The following HMOX2 variants were observed in gnomAD, a reference collection of about 807,000 sequenced individuals.
HMOX2 encodes the protein heme oxygenase (decycling) 2.
Under a neutral mutation model 33.7 loss-of-function variants are expected in HMOX2, and 30 were observed. The ratio of observed to expected loss-of-function variants is 0.89; its 90% CI spans 0.67 to 1.21. The LOEUF (loss-of-function observed/expected upper bound fraction) is 1.21. HMOX2 is among the 50% of genes most tolerant of loss of function. The pLI, the probability that HMOX2 is intolerant of heterozygous loss-of-function variation, is 0.00. For synonymous variants in HMOX2, 155 were observed against 155.0 expected (o/e 1.00, Z 0.00); for missense variants, 403 against 399.1 (o/e 1.01, Z -0.08).
rs770712405 is a variant in HMOX2, at chr16:4,508,217, G to A, written c.696+13G>A. The A allele has an allele frequency of 3.2e-6, 5 of 1,584,210 alleles. No individual in the cohort carries two copies. The South Asian group carries it at 3.5e-5, about 11-fold the overall frequency. On this transcript the variant is annotated intron_variant, in intron 4 of 5. Transcript: ENST00000570646. The stretch of plus-strand genomic sequence containing the variant: ...GTATAACATGCAGGTACTATTGGGG[G>A]CTGCCAGCTGCTAGGGCTGAAGAGG...
intron 1 of HMOX2, among the ~76,000 whole-genome samples, chr16:4,486,862 AG>A (rs1282383138): frequency 6.6e-6 from 1 of 152,218 alleles, no homozygotes; most frequent in Non-Finnish European, 1.5e-5. Flanking sequence ...TGAGGAGCTG[AG>A]CTCAGTCCCT....
At chr16:4,506,054 T>C (rs1026306415) in intron 2 of HMOX2, among the ~76,000 whole-genome samples, 3 of 152,156 alleles carry the variant, frequency 2.0e-5, no homozygotes, top group Non-Finnish European at 2.9e-5. Flanking sequence ...TAGCCTCTCA[T>C]AGCCCTGTCA....
chr16:4,493,782 G>A (rs567029503), intron 1 of HMOX2, among the ~76,000 whole-genome samples: 1 of 152,208 alleles, frequency 6.6e-6, no homozygotes, highest in Non-Finnish European at 1.5e-5. Flanking sequence ...GTGCTGTGCA[G>A]AAAGGACTTC....
At chr16:4,479,950 G>T (rs1008668290) in intron 1 of HMOX2, among the ~76,000 whole-genome samples, 10 of 151,804 alleles carry the variant, frequency 6.6e-5, no homozygotes, top group Non-Finnish European at 1.2e-4. Context: ...TGTTGGCCGG[G>T]CTGGTCTCCT....
chr16:4,490,411 C>T (rs778971934), intron 1 of HMOX2, among the ~76,000 whole-genome samples: 1 of 152,110 alleles, frequency 6.6e-6, no homozygotes, highest in Non-Finnish European at 1.5e-5. Context: ...TAGTAGCAGA[C>T]CTGGTAGTAG....
chr16:4,503,868 T>C (rs1489512253), intron 1 of HMOX2, among the ~76,000 whole-genome samples: 1 of 152,238 alleles, frequency 6.6e-6, no homozygotes, highest in African/African-American at 2.4e-5. Context: ...GTAGAGCACA[T>C]AGAAAATGCT....
Position 4,507,780 on chromosome 16 carries a change from A to T in HMOX2, c.272A>T (p.His91Leu), listed in dbSNP as rs777846729. The T allele has an allele frequency of 5.6e-6, 9 of 1,614,186 alleles. No homozygotes were observed. The highest frequency in any genetic ancestry group is 7.6e-6 in the Non-Finnish European group (9 of 1,180,030). ...GAGGAAATGGAGCGCAACAAGGACC[A>T]TCCAGCCTTTGCCCCTTTGTACTTC... is the stretch of plus-strand genomic sequence containing the variant. ...LEEEMERNKD[H>L]PAFAPLYFPM... Residue 91 changes from histidine to leucine, a missense_variant, in exon 4 of 6, where the codon CAT (histidine) becomes CTT (leucine). Coordinates refer to ENST00000570646, the MANE Select transcript of HMOX2 (RefSeq NM_002134.4).
At chr16:4,500,845 A>G (rs977633027) in intron 1 of HMOX2, among the ~76,000 whole-genome samples, 1 of 152,178 alleles carries the variant, frequency 6.6e-6, no homozygotes, top group Admixed American at 6.5e-5. Flanking sequence ...TGCTTGAAGT[A>G]ACTGTGATAG....
Position 4,507,761 on chromosome 16 carries a change from A to G in HMOX2, c.253A>G (p.Met85Val). Residue 85 changes from methionine (M) to valine (V), a missense_variant, in exon 4 of 6, where the codon ATG becomes GTG. Physicochemically the swap from Met to Val is conservative, Grantham distance 21. Transcript: ENST00000570646. ...CACATACTCAGCCCTCGAGGAGGAAATGGAGCGCAACAAGGACCATCCAGC... is the reference window on the plus strand; with the variant it reads ...CACATACTCAGCCCTCGAGGAGGAAGTGGAGCGCAACAAGGACCATCCAGC... ...YFTYSALEEE[M>V]ERNKDHPAFA... 4 of 1,614,198 alleles carry G rather than the reference A, an allele frequency of 2.5e-6. No homozygotes were observed. In the African/African-American group the frequency reaches 4.0e-5, roughly 16 times the overall value.
chr16:4,504,590 C>T (rs185125799), intron 1 of HMOX2, among the ~76,000 whole-genome samples: 62 of 151,506 alleles, frequency 4.1e-4, no homozygotes, highest in Admixed American at 9.2e-4. Context: ...AAACTCCTAA[C>T]CTCAGGTGAT....
chr16:4,478,793 T>C (rs980013395), intron 1 of HMOX2, among the ~76,000 whole-genome samples: 5 of 144,878 alleles, frequency 3.5e-5, no homozygotes, highest in Non-Finnish European at 7.6e-5. Context: ...AGAAAGAAAA[T>C]TAGAATTGTG....
chr16:4,501,430 G>A (rs1482398360), intron 1 of HMOX2, among the ~76,000 whole-genome samples: 2 of 152,188 alleles, frequency 1.3e-5, no homozygotes, highest in Non-Finnish European at 2.9e-5. Context: ...TGTTTGAGCA[G>A]TCATGCCCTT....
At chr16:4,498,727 C>T (rs145496242) in intron 1 of HMOX2, among the ~76,000 whole-genome samples, 40 of 152,238 alleles carry the variant, frequency 2.6e-4, no homozygotes, top group African/African-American at 7.9e-4. Flanking sequence ...TTCAGTGAAC[C>T]GTGGGATTGA....
At chr16:4,481,530 A>G (rs148047136) in intron 1 of HMOX2, among the ~76,000 whole-genome samples, 1 of 152,238 alleles carries the variant, frequency 6.6e-6, no homozygotes, top group East Asian at 1.9e-4. Flanking sequence ...GGGTATTTGA[A>G]ATCAGAATTG....
chr16:4,508,251 G>C, intron 4 of HMOX2, 47 bp downstream of exon 4: 2 of 1,554,254 alleles, frequency 1.3e-6, no homozygotes, highest in Non-Finnish European at 1.7e-6. Context: ...GGGAAACTTT[G>C]ACAGTGGTAG....
intron 3 of HMOX2, 50 bp from the exon 4 acceptor site, chr16:4,507,663 C>T (rs373555341): frequency 1.1e-5 from 17 of 1,579,314 alleles, no homozygotes; most frequent in South Asian, 7.0e-5. Flanking sequence ...TCCAGCTGCT[C>T]GGATGTGGTG....
At chr16:4,485,069 G>A (rs547768733) in intron 1 of HMOX2, among the ~76,000 whole-genome samples, 5 of 151,790 alleles carry the variant, frequency 3.3e-5, no homozygotes, top group Non-Finnish European at 7.4e-5. Context: ...GGGTTCAAGC[G>A]ATTCTCTTGC....
intron 1 of HMOX2, among the ~76,000 whole-genome samples, chr16:4,479,733 T>TA (rs2057967228): frequency 6.0e-5 from 1 of 16,796 alleles, no homozygotes. Context: ...TCTATTTTTT[T>TA]TTTTTTTTTT....
At chr16:4,499,245 C>T (rs2058499961) in intron 1 of HMOX2, among the ~76,000 whole-genome samples, 1 of 152,190 alleles carries the variant, frequency 6.6e-6, no homozygotes, top group African/African-American at 2.4e-5. Context: ...TGCGTGTTAG[C>T]CCACTTAGTC....
Sources: gnomAD v4.1 joint callset for allele counts (sites outside exome capture counted in the v4.1 genomes callset) on GRCh38, gnomAD v4.1.1 for gene constraint, MANE v1.5 for transcripts, NCBI Gene and HGNC (gene_info 2026-07-23, HGNC 2026-07-21) for gene names.